NR2C1: variants seen among roughly 807,000 people sequenced by gnomAD.
NR2C1 encodes the protein nuclear receptor subfamily 2 group C member 1.
A neutral mutation model predicts 74.8 loss-of-function variants in NR2C1; 33 were observed. The observed-to-expected ratio is 0.44, with a 90% confidence interval of 0.33 to 0.59. The LOEUF (loss-of-function observed/expected upper bound fraction) is 0.59, where lower values mean the gene tolerates loss of function less well. Among genes scored for constraint, NR2C1 ranks in the 20% least tolerant of loss-of-function variants. The pLI is 0.02. For missense variants in NR2C1, 568 were observed against 715.6 expected (o/e 0.79, Z 2.35); for synonymous variants, 225 against 240.6 (o/e 0.94, Z 0.60).
At chr12:95,041,062 A>G (rs1316661043) in intron 9 of NR2C1, among the ~76,000 whole-genome samples, 1 of 152,200 alleles carries the variant, frequency 6.6e-6, no homozygotes, top group East Asian at 1.9e-4. Context: ...GGAAGAGCAT[A>G]TTTATTCCCA....
Position 95,040,086 on chromosome 12 carries a change from A to G in NR2C1, c.1253+390T>C, listed in dbSNP as rs1314992387. ...AACATAACCACTGTAGGCAAAATTC[A>G]GCTCTTTAGTAACATGCCTGGGATG... On this transcript the variant is annotated intron_variant, in intron 10 of 13. Coordinates refer to ENST00000333003, the MANE Select transcript of NR2C1 (RefSeq NM_003297.4). Among the ~76,000 whole-genome samples the G allele has an allele frequency of 2.0e-5, 3 of 152,006 alleles. No individual in the cohort carries two copies. The East Asian group carries it at 5.8e-4, about 29-fold the overall frequency.
chr12:95,048,749 C>A (rs1044895524), intron 9 of NR2C1, among the ~76,000 whole-genome samples: 3 of 151,824 alleles, frequency 2.0e-5, no homozygotes, highest in African/African-American at 7.3e-5. Context: ...CTCAGCCTCC[C>A]GAGTAGCTGG....
intron 11 of NR2C1, chr12:95,030,623 C>A: frequency 6.2e-7 from 1 of 1,612,750 alleles, no homozygotes; most frequent in Non-Finnish European, 8.5e-7. Context: ...AGGTGATTAC[C>A]CCTCTGCTGT....
intron 7 of NR2C1, among the ~76,000 whole-genome samples, chr12:95,055,404 T>C (rs1252380234): frequency 6.6e-6 from 1 of 152,220 alleles, no homozygotes; most frequent in Non-Finnish European, 1.5e-5. Flanking sequence ...TTCCAAAATA[T>C]ATGGCAAGAG....
chr12:95,053,264 G>A (rs1344542499), intron 7 of NR2C1, among the ~76,000 whole-genome samples: 11 of 152,054 alleles, frequency 7.2e-5, no homozygotes, highest in Admixed American at 7.2e-4. Context: ...ATGAGCCACC[G>A]TGCCCGGCTT....
chr12:95,039,973 C>CTA (rs1192192472), intron 10 of NR2C1, among the ~76,000 whole-genome samples: 1 of 151,908 alleles, frequency 6.6e-6, no homozygotes, highest in African/African-American at 2.4e-5. Flanking sequence ...GACTAACCCT[C>CTA]TAAGTCATTG....
intron 7 of NR2C1, among the ~76,000 whole-genome samples, chr12:95,057,202 T>A (rs1016989501): frequency 5.3e-5 from 8 of 149,738 alleles, no homozygotes; most frequent in African/African-American, 2.0e-4. Context: ...CCTACCGGGT[T>A]CAAGCGATTC....
intron 11 of NR2C1, among the ~76,000 whole-genome samples, chr12:95,028,965 T>C (rs981494406): frequency 5.3e-5 from 8 of 152,046 alleles, no homozygotes; most frequent in Non-Finnish European, 8.8e-5. Flanking sequence ...GTATAACCAA[T>C]CTAGAAATGT....
intron 10 of NR2C1, among the ~76,000 whole-genome samples, chr12:95,034,690 C>T (rs1824596172): frequency 6.6e-6 from 1 of 152,004 alleles, no homozygotes; most frequent in Admixed American, 6.5e-5. Flanking sequence ...TTTTTATGGA[C>T]ACTTCTCTAT....
At chr12:95,035,687 G>T (rs929766578) in intron 10 of NR2C1, among the ~76,000 whole-genome samples, 3 of 152,120 alleles carry the variant, frequency 2.0e-5, no homozygotes, top group Non-Finnish European at 4.4e-5. Context: ...CTACAGAAAG[G>T]TATCTATTTA....
intron 7 of NR2C1, among the ~76,000 whole-genome samples, chr12:95,053,654 CT>C (rs1335256028): frequency 6.8e-6 from 1 of 146,120 alleles, no homozygotes; most frequent in African/African-American, 2.5e-5. Context: ...CTTATTAATA[CT>C]TTCTTCATGG....
intron 13 of NR2C1, among the ~76,000 whole-genome samples, chr12:95,024,503 T>C (rs531906520): frequency 6.6e-6 from 1 of 152,318 alleles, no homozygotes; most frequent in South Asian, 2.1e-4. Flanking sequence ...AAAAAAAGAA[T>C]TTTTCTCAAA....
At position 95,039,679 on chromosome 12, in the gene NR2C1, G is replaced by A. The variant is rs117928270; in HGVS notation, c.1253+797C>T. 7.2e-4 allele frequency among the ~76,000 whole-genome samples: 110 copies of A among 152,386 alleles called. 2 individuals are homozygous for A. In the East Asian group the frequency reaches 0.018, roughly 25 times the overall value. Reference sequence around the variant, plus strand: ...GGGTCTAGCTCCGTCCCAGGCCGGAGTGCAGTAAGCAATGTGATCATGGCT... The same window carrying A: ...GGGTCTAGCTCCGTCCCAGGCCGGAATGCAGTAAGCAATGTGATCATGGCT... On this transcript the variant is annotated intron_variant, in intron 10 of 13. Transcript: ENST00000333003.
chr12:95,054,573 G>T (rs1030639874), intron 7 of NR2C1, among the ~76,000 whole-genome samples: 2 of 151,944 alleles, frequency 1.3e-5, no homozygotes. Context: ...TGAGCTGCTG[G>T]GATACAGGCT....
intron 1 of NR2C1, among the ~76,000 whole-genome samples, chr12:95,071,320 A>C (rs112859716): frequency 9.2e-5 from 14 of 152,304 alleles, no homozygotes; most frequent in African/African-American, 3.1e-4. Flanking sequence ...GATTTCTGTT[A>C]ACTCCTAATA....
chr12:95,020,728 CA>C lies in NR2C1; in HGVS notation c.*1500del, dbSNP rs1390882498. On this transcript the variant is annotated 3_prime_UTR_variant, in exon 14 of 14. Transcript: ENST00000333003. Reference sequence around the variant, plus strand: ...TTGCTTTAAAAATCAACAAACATACCAAAATAATTCATCAAGAAATCAAAGC... The same window carrying C: ...TTGCTTTAAAAATCAACAAACATACCAAATAATTCATCAAGAAATCAAAGC... 1.1e-4 allele frequency: 17 copies of C among 152,096 alleles called. No homozygotes were observed. Among genetic ancestry groups the C allele is most frequent in the Admixed American group, 7.9e-4 (12 of 15,278 alleles). 9.4% of individuals were successfully genotyped at this position (152,096 alleles called of 1,614,324 possible). A position where few individuals can be genotyped will look rare whatever the true frequency, so the allele number is the denominator to read the frequency against.
At chr12:95,050,154 T>C (rs1490839243) in intron 8 of NR2C1, among the ~76,000 whole-genome samples, 1 of 152,158 alleles carries the variant, frequency 6.6e-6, no homozygotes, top group Admixed American at 6.6e-5. Flanking sequence ...TGTAACAATT[T>C]GATATTAGAA....
At chr12:95,030,689 A>G (rs1244700929) in intron 11 of NR2C1, 1 of 1,603,288 alleles carries the variant, frequency 6.2e-7, no homozygotes, top group Non-Finnish European at 8.5e-7. Context: ...TAAGAAATAG[A>G]ATATGCTAAA....
intron 8 of NR2C1, among the ~76,000 whole-genome samples, chr12:95,051,425 C>T (rs1372327629): frequency 6.6e-6 from 1 of 152,210 alleles, no homozygotes; most frequent in Non-Finnish European, 1.5e-5. Context: ...ATGCCAATGG[C>T]AAGTTCCCCC....
Sources: gnomAD v4.1 joint callset for allele counts (sites outside exome capture counted in the v4.1 genomes callset) on GRCh38, gnomAD v4.1.1 for gene constraint, MANE v1.5 for transcripts, NCBI Gene and HGNC (gene_info 2026-07-23, HGNC 2026-07-21) for gene names.